Variants in LRMDA observed in about 807,000 individuals in gnomAD.
LRMDA encodes the protein leucine-rich melanocyte differentiation-associated protein.
In LRMDA, 18 loss-of-function variants were observed where a neutral mutation model predicts 29.8. That is an observed-to-expected ratio of 0.60 (90% confidence interval 0.42 to 0.90). The LOEUF (loss-of-function observed/expected upper bound fraction) is 0.90, where lower values mean the gene tolerates loss of function less well. Among genes scored for constraint, LRMDA ranks in the 40% least tolerant of loss-of-function variants. The probability of loss-of-function intolerance (pLI) is 0.00; values close to 1 mark genes in which losing one functional copy is unlikely to be tolerated. For synonymous variants in LRMDA, 125 were observed against 109.4 expected (o/e 1.14, Z -0.89); for missense variants, 273 against 273.9 (o/e 1.00, Z 0.02).
intron 2 of LRMDA, among the ~76,000 whole-genome samples, chr10:75,705,831 TC>T (rs1247594570): frequency 1.3e-5 from 2 of 152,184 alleles, no homozygotes; most frequent in Non-Finnish European, 2.9e-5. Flanking sequence ...TAGGTTTTGC[TC>T]CCAGTTTTCT....
chr10:75,527,331 A>G (rs1293457263), intron 2 of LRMDA, among the ~76,000 whole-genome samples: 1 of 152,226 alleles, frequency 6.6e-6, no homozygotes, highest in South Asian at 2.1e-4. Flanking sequence ...TGCTATTATG[A>G]ATAATGCTAC....
intron 5 of LRMDA, among the ~76,000 whole-genome samples, chr10:76,125,679 G>A (rs1375588303): frequency 2.6e-5 from 4 of 152,298 alleles, no homozygotes; most frequent in Admixed American, 2.6e-4. Flanking sequence ...CGTGATGGCT[G>A]GAAGGGGTAG....
chr10:75,847,930 T>C (rs1289751011), intron 2 of LRMDA, among the ~76,000 whole-genome samples: 1 of 152,198 alleles, frequency 6.6e-6, no homozygotes, highest in Non-Finnish European at 1.5e-5. Flanking sequence ...GCTAAGGATA[T>C]GGAGAAATTG....
chr10:75,739,634 T>C (rs1252456031), intron 2 of LRMDA, among the ~76,000 whole-genome samples: 1 of 152,190 alleles, frequency 6.6e-6, no homozygotes, highest in East Asian at 1.9e-4. Flanking sequence ...TGTAAAAATT[T>C]ATTGGAGGAT....
chr10:76,110,356 T>C (rs970742464), intron 5 of LRMDA, among the ~76,000 whole-genome samples: 23 of 152,344 alleles, frequency 1.5e-4, no homozygotes, highest in African/African-American at 5.0e-4. Context: ...TCTGGACTAT[T>C]ATAGTCCCCA....
chr10:76,426,639 G>T (rs894139351), intron 6 of LRMDA, among the ~76,000 whole-genome samples: 3 of 152,254 alleles, frequency 2.0e-5, no homozygotes. Context: ...GGCTTTTGTT[G>T]CCATTGCTTT....
chr10:75,514,676 C>T (rs1394828959), intron 2 of LRMDA, among the ~76,000 whole-genome samples: 1 of 152,274 alleles, frequency 6.6e-6, no homozygotes, highest in Non-Finnish European at 1.5e-5. Flanking sequence ...CTCCCTCCTC[C>T]TCTTGCTCCT....
intron 2 of LRMDA, among the ~76,000 whole-genome samples, chr10:75,488,394 G>A (rs1844942139): frequency 6.6e-6 from 1 of 152,178 alleles, no homozygotes; most frequent in Non-Finnish European, 1.5e-5. Context: ...TTGGCTCCTG[G>A]TAGGTATGAA....
At chr10:75,850,920 A>T (rs577529957) in intron 2 of LRMDA, among the ~76,000 whole-genome samples, 41 of 152,180 alleles carry the variant, frequency 2.7e-4, no homozygotes, top group Admixed American at 1.4e-3. Context: ...ACAATGAGAG[A>T]ACATATTGTC....
rs117801479 is a variant in LRMDA at position 76,267,066 on chromosome 10, G to A, written c.517-57335G>A. 2.7e-3 allele frequency among the ~76,000 whole-genome samples: 410 copies of A among 152,184 alleles called. 20 individuals carry two copies. In the East Asian group the frequency reaches 0.061, roughly 22 times the overall value. On this transcript the variant is annotated intron_variant, in intron 5 of 6. Coordinates refer to ENST00000611255, the MANE Select transcript of LRMDA (RefSeq NM_001305581.2). ...CAAGATAGTCATGCCTCCTTCTATA[G>A]GGACTCTTTGGGGCATGATAGACCA...
chr10:76,426,160 T>A (rs1257293426), intron 6 of LRMDA, among the ~76,000 whole-genome samples: 3 of 152,304 alleles, frequency 2.0e-5, no homozygotes, highest in African/African-American at 7.2e-5. Context: ...TAGTTCTAGA[T>A]CCCTGCAGAA....
chr10:76,118,840 CTT>C (rs962279433), intron 5 of LRMDA, among the ~76,000 whole-genome samples: 733 of 46,002 alleles, frequency 0.016, 4 homozygotes, highest in African/African-American at 0.048. Flanking sequence ...TGCAAATACA[CTT>C]TTTTTTTTTT....
rs141638841 is a variant in LRMDA, at chr10:75,829,968, G to C, written c.132-206040G>C. On this transcript the variant is annotated intron_variant, in intron 2 of 6. Coordinates refer to ENST00000611255, the MANE Select transcript of LRMDA (RefSeq NM_001305581.2). ...AGCATCTGTTCATCCCAAGTGTGCAGTGAAAGGGCTTCCCTCCTTCCACCT... is the reference window on the plus strand; with the variant it reads ...AGCATCTGTTCATCCCAAGTGTGCACTGAAAGGGCTTCCCTCCTTCCACCT... Among the ~76,000 whole-genome samples, 30 of 150,788 alleles carry C rather than the reference G, an allele frequency of 2.0e-4. No individual in the cohort carries two copies. In the East Asian group the frequency reaches 5.9e-3, roughly 30 times the overall value.
At chr10:76,493,397 C>T (rs1842852626) in intron 6 of LRMDA, among the ~76,000 whole-genome samples, 1 of 151,982 alleles carries the variant, frequency 6.6e-6, no homozygotes, top group South Asian at 2.1e-4. Context: ...TTCTTCAGGG[C>T]AATGGGTTCC....
At chr10:76,516,545 C>G (rs1024608973) in intron 6 of LRMDA, among the ~76,000 whole-genome samples, 2 of 151,922 alleles carry the variant, frequency 1.3e-5, no homozygotes, top group Admixed American at 1.3e-4. Context: ...CTTCTTGTGT[C>G]CATGTGTTCT....
intron 6 of LRMDA, among the ~76,000 whole-genome samples, chr10:76,337,453 G>A (rs1840983235): frequency 6.6e-6 from 1 of 152,142 alleles, no homozygotes; most frequent in African/African-American, 2.4e-5. Context: ...GACCTGGGGA[G>A]GTGAGGCATG....
chr10:75,953,185 AC>A (rs1255825669), intron 2 of LRMDA, among the ~76,000 whole-genome samples: 1 of 147,214 alleles, frequency 6.8e-6, no homozygotes, highest in Non-Finnish European at 1.5e-5. Context: ...CCATTCTCCC[AC>A]CTCAGCCTCC....
intron 5 of LRMDA, among the ~76,000 whole-genome samples, chr10:76,320,364 GT>G (rs1232935728): frequency 1.3e-5 from 2 of 152,148 alleles, no homozygotes; most frequent in East Asian, 3.9e-4. Flanking sequence ...GCCAGAATGA[GT>G]GTTTCAAGCC....
intron 6 of LRMDA, among the ~76,000 whole-genome samples, chr10:76,531,043 G>A (rs1843228134): frequency 2.0e-5 from 3 of 152,072 alleles, no homozygotes; most frequent in African/African-American, 7.2e-5. Flanking sequence ...TAGGTTTGGG[G>A]GCAGATATTT....
Sources: allele counts gnomAD v4.1 joint callset (sites outside exome capture counted in the v4.1 genomes callset), GRCh38; gene constraint gnomAD v4.1.1; transcripts MANE v1.5; gene names NCBI Gene and HGNC (gene_info 2026-07-23, HGNC 2026-07-21).